The following IRAK2 variants were observed in gnomAD, a reference collection of about 807,000 sequenced individuals.
The protein encoded by IRAK2 is interleukin 1 receptor associated kinase 2.
In IRAK2, 57 loss-of-function variants were observed where a neutral mutation model predicts 72.0. The observed-to-expected ratio is 0.79, with a 90% CI of 0.64 to 0.99. The LOEUF (loss-of-function observed/expected upper bound fraction) is 0.99, where lower values mean the gene tolerates loss of function less well. Ranked by LOEUF, IRAK2 falls within the 50% of genes least tolerant of loss-of-function variation. IRAK2 has a pLI of 0.00. For missense variants in IRAK2, 790 were observed against 794.4 expected (o/e 0.99, Z 0.07); for synonymous variants, 293 against 312.7 (o/e 0.94, Z 0.67).
chr3:10,202,197 G>C (rs1404547884), intron 3 of IRAK2, among the ~76,000 whole-genome samples: 1 of 152,174 alleles, frequency 6.6e-6, no homozygotes, highest in Non-Finnish European at 1.5e-5. Context: ...TGAAAGATAA[G>C]GGGAAATGGT....
chr3:10,212,055 G>A (rs1034654360), intron 4 of IRAK2, among the ~76,000 whole-genome samples: 4 of 150,976 alleles, frequency 2.6e-5, no homozygotes, highest in African/African-American at 7.3e-5. Flanking sequence ...ACTCCAGCCT[G>A]GGTGACAGTA....
At chr3:10,230,916 C>T (rs1697849703) in intron 10 of IRAK2, among the ~76,000 whole-genome samples, 1 of 151,946 alleles carries the variant, frequency 6.6e-6, no homozygotes, top group Admixed American at 6.6e-5. Context: ...ACATGCCCAG[C>T]TAATTTTTGT....
intron 2 of IRAK2, among the ~76,000 whole-genome samples, chr3:10,180,398 C>T (rs1696942560): frequency 6.6e-6 from 1 of 152,106 alleles, no homozygotes; most frequent in Non-Finnish European, 1.5e-5. Context: ...AATGGGCAGG[C>T]AGGATACAGT....
At position 10,184,316 on chromosome 3, in the gene IRAK2, A is replaced by G. The variant is rs550148026; in HGVS notation, c.277+6296A>G. 1.2e-3 allele frequency among the ~76,000 whole-genome samples: 180 copies of G among 152,330 alleles called. 1 individual carries two copies. Among genetic ancestry groups the G allele is most frequent in the Non-Finnish European group, 2.1e-3 (142 of 68,042 alleles). ...TAGTACTCTAGAAAAGGAGGCAATC[A>G]GTATTGGAGGGACCATTAGCAGTTT... is the stretch of plus-strand genomic sequence containing the variant. On this transcript the variant is annotated intron_variant, in intron 2 of 12. Transcript: ENST00000256458.
At chr3:10,229,080 C>A (rs551481502) in intron 10 of IRAK2, among the ~76,000 whole-genome samples, 2 of 151,840 alleles carry the variant, frequency 1.3e-5, no homozygotes, top group Non-Finnish European at 2.9e-5. Flanking sequence ...ACTACAGGTG[C>A]GCATCACCAC....
chr3:10,205,321 A>G (rs1697419481), intron 3 of IRAK2, among the ~76,000 whole-genome samples: 1 of 152,162 alleles, frequency 6.6e-6, no homozygotes, highest in African/African-American at 2.4e-5. Flanking sequence ...GTAGGGAGAG[A>G]TGGAGAGTAA....
intron 9 of IRAK2, among the ~76,000 whole-genome samples, chr3:10,226,049 C>CGT (rs1352957962): frequency 6.6e-6 from 1 of 152,084 alleles, no homozygotes; most frequent in Non-Finnish European, 1.5e-5. Flanking sequence ...TGTATATATA[C>CGT]GTGTGTGTGT....
At chr3:10,165,773 C>CA (rs1415314156) in intron 1 of IRAK2, among the ~76,000 whole-genome samples, 2 of 142,692 alleles carry the variant, frequency 1.4e-5, no homozygotes, top group East Asian at 2.1e-4. Flanking sequence ...CTCTGTCGCC[C>CA]AGGCTGGAGT....
intron 2 of IRAK2, among the ~76,000 whole-genome samples, chr3:10,185,148 G>A (rs1697034292): frequency 6.6e-6 from 1 of 151,708 alleles, no homozygotes; most frequent in East Asian, 1.9e-4. Flanking sequence ...CTGGGAACTT[G>A]TTAGAAACGC....
intron 3 of IRAK2, among the ~76,000 whole-genome samples, chr3:10,202,214 C>T (rs746976625): frequency 8.6e-5 from 13 of 152,028 alleles, no homozygotes; most frequent in Non-Finnish European, 1.8e-4. Context: ...TGGTCCTGAC[C>T]AAAGGGAAAA....
At chr3:10,202,689 CTTT>C (rs374939802) in intron 3 of IRAK2, among the ~76,000 whole-genome samples, 10 of 98,050 alleles carry the variant, frequency 1.0e-4, no homozygotes, top group Admixed American at 2.7e-4. Context: ...ACTTTCTTTC[CTTT>C]TTTTTTTTTT....
At chr3:10,178,640 T>C (rs904867848) in intron 2 of IRAK2, among the ~76,000 whole-genome samples, 1 of 152,102 alleles carries the variant, frequency 6.6e-6, no homozygotes, top group Non-Finnish European at 1.5e-5. Flanking sequence ...AAAACCCCAA[T>C]AGCTATAACA....
chr3:10,191,605 C>T (rs546705028), intron 2 of IRAK2, among the ~76,000 whole-genome samples: 1 of 152,220 alleles, frequency 6.6e-6, no homozygotes, highest in African/African-American at 2.4e-5. Context: ...CCTTTGCACA[C>T]GTGTTCCCTC....
chr3:10,175,435 A>T (rs1246425244), intron 1 of IRAK2, among the ~76,000 whole-genome samples: 1 of 152,126 alleles, frequency 6.6e-6, no homozygotes, highest in Non-Finnish European at 1.5e-5. Context: ...TCCCTGTGGT[A>T]TAATGTTAAT....
intron 2 of IRAK2, among the ~76,000 whole-genome samples, chr3:10,193,883 C>T (rs1161279636): frequency 6.6e-6 from 1 of 152,248 alleles, no homozygotes; most frequent in Non-Finnish European, 1.5e-5. Flanking sequence ...GCCACTGTAC[C>T]TCTCGGGACT....
chr3:10,234,806 A>C lies in IRAK2; in HGVS notation c.1473+147A>C, dbSNP rs557995851. 1.4e-5 allele frequency: 10 copies of C among 725,340 alleles called. No individual in the cohort carries two copies. The East Asian group carries it at 2.7e-4, about 20-fold the overall frequency. The allele number at this position is 725,340 out of a possible 1,614,324, so 44.9% of individuals were successfully genotyped here. On this transcript the variant is annotated intron_variant, in intron 11 of 12. Coordinates refer to ENST00000256458, the MANE Select transcript of IRAK2 (RefSeq NM_001570.4). ...ACCTCCTAGAGCTCCCATCAGCCAA[A>C]GGGCGGTGTAGGGATGGATAGTGCG...
At chr3:10,167,861 G>A (rs528329290) in intron 1 of IRAK2, among the ~76,000 whole-genome samples, 4 of 152,326 alleles carry the variant, frequency 2.6e-5, no homozygotes, top group African/African-American at 9.6e-5. Context: ...ATTTTGTGCA[G>A]TGGTGCAAAT....
chr3:10,215,671 C>T (rs1488785952), intron 6 of IRAK2, among the ~76,000 whole-genome samples: 2 of 151,730 alleles, frequency 1.3e-5, no homozygotes, highest in African/African-American at 4.8e-5. Flanking sequence ...TAGATGTGAG[C>T]CACTGTGCTG....
chr3:10,175,050 C>A (rs929725038), intron 1 of IRAK2, among the ~76,000 whole-genome samples: 1 of 151,498 alleles, frequency 6.6e-6, no homozygotes, highest in Non-Finnish European at 1.5e-5. Context: ...ATGTTTGCAC[C>A]ACTGTACTCA....
Sources: gnomAD v4.1 joint callset for allele counts (sites outside exome capture counted in the v4.1 genomes callset) on GRCh38, gnomAD v4.1.1 for gene constraint, MANE v1.5 for transcripts, NCBI Gene and HGNC (gene_info 2026-07-23, HGNC 2026-07-21) for gene names.